The following HAPLN2 variants were observed in gnomAD, a reference collection of about 807,000 sequenced individuals.
HAPLN2 encodes hyaluronan and proteoglycan link protein 2.
A neutral mutation model predicts 29.3 loss-of-function variants in HAPLN2; 27 were observed. The observed-to-expected ratio is 0.92, with a 90% CI of 0.68 to 1.27. The LOEUF (loss-of-function observed/expected upper bound fraction) is 1.27, where lower values mean the gene tolerates loss of function less well. HAPLN2 is among the 50% of genes most tolerant of loss of function. HAPLN2 has a pLI of 0.00. For missense variants in HAPLN2, 454 were observed against 484.3 expected (o/e 0.94, Z 0.59); for synonymous variants, 208 against 211.7 (o/e 0.98, Z 0.15).
intron 4 of HAPLN2, 46 bp downstream of exon 4, chr1:156,624,206 C>A: frequency 6.4e-7 from 1 of 1,561,512 alleles, no homozygotes; most frequent in Middle Eastern, 2.0e-4. Context: ...GCAGCGGGTC[C>A]GCCTCGCCTG....
chr1:156,618,357 G>T (rs1442289977), upstream of HAPLN2, among the ~76,000 whole-genome samples: 1 of 150,438 alleles, frequency 6.6e-6, no homozygotes, highest in Non-Finnish European at 1.5e-5. Flanking sequence ...GTGCGCGCCT[G>T]TAGTCCTAGA....
chr1:156,623,900 G>A lies in HAPLN2; in HGVS notation c.179G>A (p.Gly60Asp). The change falls in exon 4 of 7, where the codon GGC becomes GAC. Residue 60 changes from glycine (G) to aspartate (D), a missense_variant. Gly to Asp is a moderately conservative substitution (Grantham distance 94). Coordinates refer to ENST00000255039, the MANE Select transcript of HAPLN2 (RefSeq NM_021817.3). ...GATATLPCVL[G>D]TTPPSYKVRW... is the part of the protein sequence containing the mutation. ...ACGGCCACGCTGCCCTGCGTCCTGG[G>A]CACCACGCCTCCCAGCTACAAGGTG... 6.3e-7 allele frequency: 1 copy of A among 1,597,864 alleles called. No individual in the cohort carries two copies. Among genetic ancestry groups the A allele is most frequent in the Non-Finnish European group, 8.5e-7 (1 of 1,172,334 alleles).
At chr1:156,601,720 G>A in the HAPLN2 span, among the ~76,000 whole-genome samples, 1 of 152,170 alleles carries the variant, frequency 6.6e-6, no homozygotes, top group African/African-American at 2.4e-5. Flanking sequence ...GCCAAGAACG[G>A]CTCCGCGTCC....
chr1:156,608,554 T>A, the HAPLN2 span, among the ~76,000 whole-genome samples: 2 of 152,068 alleles, frequency 1.3e-5, no homozygotes, highest in African/African-American at 2.4e-5. Context: ...CCTTACTTTT[T>A]TTTTTAAAGA....
chr1:156,614,392 T>C (rs1678014467), upstream of HAPLN2, among the ~76,000 whole-genome samples: 1 of 152,052 alleles, frequency 6.6e-6, no homozygotes, highest in Admixed American at 6.6e-5. Context: ...ACCCAGCTAA[T>C]TTTTGTAATT....
chr1:156,602,232 G>T, the HAPLN2 span, among the ~76,000 whole-genome samples: 1 of 152,170 alleles, frequency 6.6e-6, no homozygotes, highest in South Asian at 2.1e-4. Flanking sequence ...AAGCCACCGT[G>T]ACCGGCCTCA....
Position 156,625,448 on chromosome 1 carries a change from C to A in HAPLN2, c.*64C>A. ...TGGGAGTCGTGGCGGGGGTCTCTCG[C>A]CACCCCTTTCCGGAGAGCCTCCCCT... On this transcript the variant is annotated 3_prime_UTR_variant, in exon 7 of 7. Coordinates refer to ENST00000255039, the MANE Select transcript of HAPLN2 (RefSeq NM_021817.3). The surrounding 1 kb of genome is among the most constrained non-coding windows in gnomAD (Gnocchi z 5.7). The A allele has an allele frequency of 1.4e-6, 2 of 1,451,676 alleles. No individual in the cohort carries two copies. The highest frequency in any genetic ancestry group is 1.8e-6 in the Non-Finnish European group (2 of 1,087,496). The allele number at this position is 1,451,676 out of a possible 1,614,324, so 89.9% of individuals were successfully genotyped here. A position where few individuals can be genotyped will look rare whatever the true frequency, so the allele number is the denominator to read the frequency against.
chr1:156,606,122 A>G, the HAPLN2 span, among the ~76,000 whole-genome samples: 5 of 152,106 alleles, frequency 3.3e-5, no homozygotes, highest in Admixed American at 6.5e-5. Context: ...CGTCTTAGCC[A>G]GCATGGTGGC....
rs1200226278 is a variant in HAPLN2, at chr1:156,623,043, AAT to A, written c.-24-422_-24-421del. Reference sequence around the variant, plus strand: ...AGCAACACTCTGTCTCAAAAAAATAAATAAATAAATAAATAAATAAATAAATA... The same window carrying A: ...AGCAACACTCTGTCTCAAAAAAATAAAAATAAATAAATAAATAAATAAATA... On this transcript the variant is annotated intron_variant, in intron 2 of 6. Coordinates refer to ENST00000255039, the MANE Select transcript of HAPLN2 (RefSeq NM_021817.3). Among the ~76,000 whole-genome samples, 47 of 135,542 alleles carry A rather than the reference AAT, an allele frequency of 3.5e-4. 6 individuals are homozygous for A. In the East Asian group the frequency reaches 6.0e-3, roughly 17 times the overall value. 88.9% of individuals were successfully genotyped at this position (135,542 alleles called of 152,430 possible). A position where few individuals can be genotyped will look rare whatever the true frequency, so the allele number is the denominator to read the frequency against.
intron 2 of HAPLN2, among the ~76,000 whole-genome samples, chr1:156,621,977 A>G (rs1181988170): frequency 6.6e-6 from 1 of 151,962 alleles, no homozygotes; most frequent in East Asian, 1.9e-4. Flanking sequence ...CACAAAACAA[A>G]TTTAAAGGGG....
chr1:156,615,724 T>G (rs2102517820), upstream of HAPLN2, among the ~76,000 whole-genome samples: 1 of 151,988 alleles, frequency 6.6e-6, no homozygotes, highest in Non-Finnish European at 1.5e-5. Flanking sequence ...GCACGCATCA[T>G]CATGCCCGGC....
intron 2 of HAPLN2, among the ~76,000 whole-genome samples, chr1:156,622,475 C>T (rs543925860): frequency 1.2e-4 from 18 of 151,860 alleles, no homozygotes; most frequent in African/African-American, 3.9e-4. Flanking sequence ...GGTCCGCAGT[C>T]CAGCAGATCA....
At chr1:156,602,262 C>G in the HAPLN2 span, among the ~76,000 whole-genome samples, 1 of 152,016 alleles carries the variant, frequency 6.6e-6, no homozygotes, top group South Asian at 2.1e-4. Flanking sequence ...TTTTGACTCA[C>G]CATTGTGTGC....
At chr1:156,622,583 T>C (rs2102529001) in intron 2 of HAPLN2, among the ~76,000 whole-genome samples, 1 of 151,928 alleles carries the variant, frequency 6.6e-6, no homozygotes, top group Non-Finnish European at 1.5e-5. Flanking sequence ...AGGAAATGAA[T>C]GCAAACTTGG....
chr1:156,623,078 A>AAATAAATG (rs141376370), intron 2 of HAPLN2, among the ~76,000 whole-genome samples: 2 of 138,866 alleles, frequency 1.4e-5, no homozygotes, highest in African/African-American at 2.6e-5. Context: ...ATAAATAAAT[A>AAATAAATG]AAATAAAAAA....
chr1:156,611,953 C>T, the HAPLN2 span, among the ~76,000 whole-genome samples: 2 of 152,210 alleles, frequency 1.3e-5, no homozygotes, highest in African/African-American at 2.4e-5. Flanking sequence ...TTTTGTTAAA[C>T]TTGCAGAAAT....
the HAPLN2 span, among the ~76,000 whole-genome samples, chr1:156,608,473 G>T: frequency 6.6e-6 from 1 of 152,038 alleles, no homozygotes; most frequent in Non-Finnish European, 1.5e-5. Context: ...GGTGAAGGAT[G>T]CCAAGAAGGG....
At chr1:156,611,377 C>T in the HAPLN2 span, among the ~76,000 whole-genome samples, 1 of 141,500 alleles carries the variant, frequency 7.1e-6, no homozygotes, top group Non-Finnish European at 1.6e-5. Context: ...CCAGCCTGGC[C>T]AACATGGGGA....
Position 156,625,517 on chromosome 1 carries a change from CG to C in HAPLN2, c.*138del. On this transcript the variant is annotated 3_prime_UTR_variant, in exon 7 of 7. Coordinates refer to ENST00000255039, the MANE Select transcript of HAPLN2 (RefSeq NM_021817.3). The surrounding 1 kb of genome is among the most constrained non-coding windows in gnomAD (Gnocchi z 5.7). ...GCCTCTCCAGACCTGCCTTCCCAGCCGGGGGCTGCGGGCCTCGGACCCCGGC... is the reference window on the plus strand; with the variant it reads ...GCCTCTCCAGACCTGCCTTCCCAGCCGGGGCTGCGGGCCTCGGACCCCGGC... 4 of 908,314 alleles carry C rather than the reference CG, an allele frequency of 4.4e-6. No individual in the cohort carries two copies. Among genetic ancestry groups the C allele is most frequent in the Non-Finnish European group, 6.1e-6 (4 of 655,690 alleles). The allele number at this position is 908,314 out of a possible 1,614,324, so 56.3% of individuals were successfully genotyped here.
Sources: allele counts gnomAD v4.1 joint callset (sites outside exome capture counted in the v4.1 genomes callset), GRCh38; gene constraint gnomAD v4.1.1; non-coding constraint Gnocchi (gnomAD v3.1); transcripts MANE v1.5; gene names NCBI Gene and HGNC (gene_info 2026-07-23, HGNC 2026-07-21).